Variants in DNAH8 observed in about 807,000 individuals in gnomAD.
The protein encoded by DNAH8 is axonemal beta dynein heavy chain 8.
Under a neutral mutation model 562.1 loss-of-function variants are expected in DNAH8, and 382 were observed. The ratio of observed to expected loss-of-function variants is 0.68; its 90% CI spans 0.63 to 0.74. DNAH8 has a LOEUF of 0.74. Among genes scored for constraint, DNAH8 ranks in the 30% least tolerant of loss-of-function variants. The pLI, the probability that DNAH8 is intolerant of heterozygous loss-of-function variation, is 0.00. For synonymous variants in DNAH8, 1,881 were observed against 1,919.4 expected, an observed-to-expected ratio of 0.98 and a Z score of 0.52; for missense variants, 5,203 against 5,620.4, an observed-to-expected ratio of 0.93 and a Z score of 2.37.
chr6:38,772,112 T>TCC (rs1767636489), intron 12 of DNAH8, among the ~76,000 whole-genome samples: 1 of 148,356 alleles, frequency 6.7e-6, no homozygotes, highest in Non-Finnish European at 1.5e-5. Context: ...CACTGCAAGC[T>TCC]CCACCTCCCG....
At chr6:38,737,623 AATTAT>A (rs1451616608) in intron 6 of DNAH8, among the ~76,000 whole-genome samples, 181 bp from the exon 7 acceptor site, 1 of 151,186 alleles carries the variant, frequency 6.6e-6, no homozygotes, top group East Asian at 1.9e-4. Context: ...GATTAATTAG[AATTAT>A]ATTTCTGTAA....
intron 82 of DNAH8, among the ~76,000 whole-genome samples, chr6:38,954,080 AC>A (rs1490869581): frequency 1.3e-5 from 2 of 152,206 alleles, no homozygotes; most frequent in Non-Finnish European, 2.9e-5. Flanking sequence ...GAGAAGGGAA[AC>A]TTTGGTTATA....
rs191143128 is a variant in DNAH8 at position 38,975,056 on chromosome 6, A to G, written c.12834+527A>G. 3.5e-3 allele frequency among the ~76,000 whole-genome samples: 537 copies of G among 152,284 alleles called. 4 individuals carry two copies. The highest frequency in any genetic ancestry group is 5.5e-3 in the Admixed American group (84 of 15,292). ...CTGATTTATGTATTGTTTTGACTCT[A>G]TTTATTACCTGATAGTAAAAGTGGT... is the stretch of plus-strand genomic sequence containing the variant. On this transcript the variant is annotated intron_variant, in intron 85 of 92. Coordinates refer to ENST00000327475, the MANE Select transcript of DNAH8 (RefSeq NM_001206927.2).
In DNAH8 at chr6:38,949,456, C is replaced by G; in HGVS notation, c.12134C>G (p.Ser4045Cys). Residue 4045 changes from serine (S) to cysteine (C), a missense_variant, in exon 81 of 93, where the codon TCT becomes TGT. By Grantham distance (112) the Ser-to-Cys change is moderately radical. Transcript: ENST00000327475. ...TAATTGGCTTGCTTCTTTTAGATATCTCGTAATGAGAAGGGGTGGAAAAGC... is the reference window on the plus strand; with the variant it reads ...TAATTGGCTTGCTTCTTTTAGATATGTCGTAATGAGAAGGGGTGGAAAAGC... Reference protein sequence around the residue: ...PQFAEIMNQISRNEKGWKSWF... With the variant: ...PQFAEIMNQICRNEKGWKSWF... 2 of 1,600,694 alleles carry G rather than the reference C, an allele frequency of 1.2e-6. No homozygotes were observed. Among genetic ancestry groups the G allele is most frequent in the Non-Finnish European group, 1.7e-6 (2 of 1,168,116 alleles).
intron 3 of DNAH8, among the ~76,000 whole-genome samples, chr6:38,728,075 C>T (rs1481726100): frequency 6.6e-6 from 1 of 152,172 alleles, no homozygotes; most frequent in Non-Finnish European, 1.5e-5. Flanking sequence ...GGGCCATCCT[C>T]CGACTTTAGC....
chr6:38,830,928 A>G (rs372985117), intron 30 of DNAH8, among the ~76,000 whole-genome samples: 36 of 152,240 alleles, frequency 2.4e-4, no homozygotes, highest in African/African-American at 6.0e-4. Context: ...TAATTTTTTT[A>G]TGTGTCTATG....
At chr6:38,827,652 T>A (rs2150345850) in intron 29 of DNAH8, among the ~76,000 whole-genome samples, 1 of 150,668 alleles carries the variant, frequency 6.6e-6, no homozygotes, top group East Asian at 2.0e-4. Context: ...GGATTTTGGA[T>A]GCTGACCAGC....
At chr6:38,791,063 T>G (rs922187823) in intron 20 of DNAH8, among the ~76,000 whole-genome samples, 1 of 152,124 alleles carries the variant, frequency 6.6e-6, no homozygotes, top group Non-Finnish European at 1.5e-5. Flanking sequence ...ATCATCAAAT[T>G]GAAGATTGTC....
At chr6:38,993,336 C>T (rs2150737329) in intron 88 of DNAH8, among the ~76,000 whole-genome samples, 1 of 152,262 alleles carries the variant, frequency 6.6e-6, no homozygotes, top group Admixed American at 6.5e-5. Context: ...ATAAAGAGTA[C>T]TGTGTTCAAA....
chr6:39,008,716 CTTTGA>C (rs1211080274), intron 88 of DNAH8, 93 bp from the exon 89 acceptor site: 15 of 464,818 alleles, frequency 3.2e-5, no homozygotes, highest in Non-Finnish European at 4.7e-5. Flanking sequence ...TTGTAGCTTG[CTTTGA>C]TTTAAGTGAT....
intron 7 of DNAH8, among the ~76,000 whole-genome samples, chr6:38,739,561 C>G (rs891769366): frequency 6.6e-6 from 1 of 152,138 alleles, no homozygotes; most frequent in Non-Finnish European, 1.5e-5. Context: ...AATCCCAGCA[C>G]TTTGGGAGCC....
intron 13 of DNAH8, 37 bp from the exon 14 acceptor site, chr6:38,778,351 C>T (rs911677467): frequency 1.7e-6 from 2 of 1,175,470 alleles, no homozygotes; most frequent in Non-Finnish European, 2.5e-6. Context: ...ATCTCTTTAA[C>T]ACCAAAAATC....
Position 38,785,126 on chromosome 6 carries a change from AT to A in DNAH8, c.2396-1637del, listed in dbSNP as rs533746184. On this transcript the variant is annotated intron_variant, in intron 17 of 92. Coordinates refer to ENST00000327475, the MANE Select transcript of DNAH8 (RefSeq NM_001206927.2). ...TTTCATACTTTCAATATGAAGTAGA[AT>A]TCTTTCGTGTTTTTTCACAAGTAAA... Among the ~76,000 whole-genome samples, 24 of 152,336 alleles carry A rather than the reference AT, an allele frequency of 1.6e-4. 1 individual carries two copies. The East Asian group carries it at 4.6e-3, about 29-fold the overall frequency.
At chr6:39,011,047 T>A (rs1265820533) in intron 89 of DNAH8, among the ~76,000 whole-genome samples, 2 of 152,086 alleles carry the variant, frequency 1.3e-5, no homozygotes, top group African/African-American at 2.4e-5. Context: ...TTTAATATAG[T>A]TTGCTCCACC....
Position 38,929,528 on chromosome 6 carries a change from T to C in DNAH8, c.11136T>C (p.His3712=). 9.9e-6 allele frequency: 16 copies of C among 1,612,280 alleles called. No homozygotes were observed. Among genetic ancestry groups the C allele is most frequent in the Non-Finnish European group, 1.3e-5 (15 of 1,179,114 alleles). The change falls in exon 75 of 93, where the codon CAT becomes CAC. Residue 3712 remains histidine, a synonymous_variant. Transcript: ENST00000327475. ...ENDLQVTSLN[H]KYFRTHLEDS... ...CTGTTTAGGTGACATCTCTGAACCA[T>C]AAATATTTTCGCACACACTTGGAGG...
At chr6:38,891,340 A>C (rs777481499) in intron 58 of DNAH8, among the ~76,000 whole-genome samples, 5 of 152,252 alleles carry the variant, frequency 3.3e-5, no homozygotes, top group Admixed American at 3.3e-4. Context: ...AAAGGCAATT[A>C]AGTGTAGGTA....
At chr6:38,751,302 A>G (rs1765429440) in intron 9 of DNAH8, among the ~76,000 whole-genome samples, 1 of 152,218 alleles carries the variant, frequency 6.6e-6, no homozygotes, top group African/African-American at 2.4e-5. Context: ...ATGAGAGAAC[A>G]CCCAAGTTGG....
chr6:39,024,509 C>G (rs1476769211), intron 91 of DNAH8, among the ~76,000 whole-genome samples: 1 of 152,096 alleles, frequency 6.6e-6, no homozygotes, highest in African/African-American at 2.4e-5. Context: ...TGTTTTACTG[C>G]TAAAGTATGG....
intron 37 of DNAH8, among the ~76,000 whole-genome samples, chr6:38,849,890 A>G (rs1180726232): frequency 2.6e-5 from 4 of 152,076 alleles, no homozygotes; most frequent in Non-Finnish European, 5.9e-5. Context: ...AATTATTTTC[A>G]TGCTTCTTCA....
Sources: allele counts gnomAD v4.1 joint callset (sites outside exome capture counted in the v4.1 genomes callset), GRCh38; gene constraint gnomAD v4.1.1; transcripts MANE v1.5; gene names NCBI Gene and HGNC (gene_info 2026-07-23, HGNC 2026-07-21).